RFX3: variants seen among roughly 807,000 people sequenced by gnomAD.
RFX3 encodes the protein transcription factor RFX3.
RFX3 carries 14 observed loss-of-function variants against 98.6 expected under a neutral mutation model. The observed-to-expected ratio is 0.14, with a 90% CI of 0.09 to 0.22. The LOEUF (loss-of-function observed/expected upper bound fraction) is 0.22, where lower values mean the gene tolerates loss of function less well. RFX3 is among the 10% of genes least tolerant of loss of function. The probability of loss-of-function intolerance (pLI) is 1.00; values close to 1 mark genes in which losing one functional copy is unlikely to be tolerated. For synonymous variants in RFX3, 383 were observed against 328.4 expected (o/e 1.17, Z -1.80); for missense variants, 639 against 926.9 (o/e 0.69, Z 4.03).
rs200930779 is a variant in RFX3 at position 3,367,150 on chromosome 9, C to T, written c.118-20386G>A. ...ATCTTACGTTATATGGTACAGCTGA[C>T]GTTAAAATTGAGTAGGCCTGCTCTA... On this transcript the variant is annotated intron_variant, in intron 2 of 16. Coordinates refer to ENST00000617270, the MANE Select transcript of RFX3 (RefSeq NM_001282116.2). Among the ~76,000 whole-genome samples the T allele has an allele frequency of 2.6e-5, 4 of 152,166 alleles. No homozygotes were observed. In the East Asian group the frequency reaches 5.8e-4, roughly 22 times the overall value.
At chr9:3,229,526 G>A (rs890754229) in intron 15 of RFX3, among the ~76,000 whole-genome samples, 7 of 152,026 alleles carry the variant, frequency 4.6e-5, no homozygotes, top group African/African-American at 1.2e-4. Flanking sequence ...AATAGCCTTC[G>A]GCTTAGACAT....
At chr9:3,297,634 GCC>G (rs1203028882) in intron 5 of RFX3, among the ~76,000 whole-genome samples, 4 of 151,842 alleles carry the variant, frequency 2.6e-5, no homozygotes, top group African/African-American at 7.3e-5. Context: ...ATTTTGACAG[GCC>G]TTATTTCTGT....
rs2304930 is a variant in RFX3 at position 3,275,578 on chromosome 9, A to T, written c.1008T>A (p.Val336=). The T allele has an allele frequency of 7.8e-4, 1,263 of 1,612,054 alleles. 12 individuals are homozygous for T. The East Asian group carries it at 0.027, about 34-fold the overall frequency. Residue 336 remains valine (V), a synonymous_variant, in exon 9 of 17, where the codon GTT becomes GTA. Coordinates refer to ENST00000617270, the MANE Select transcript of RFX3 (RefSeq NM_001282116.2). The part of the protein sequence containing the change: ...ASRALPEFGE[V]EISSLPDGTT... Reference sequence around the variant, plus strand: ...TACCATCTGGCAGAGAAGAGATTTCAACTTCTCCAAACTCTGGAAGTGCTC... The same window carrying T: ...TACCATCTGGCAGAGAAGAGATTTCTACTTCTCCAAACTCTGGAAGTGCTC...
chr9:3,249,755 A>G (rs930377983), intron 14 of RFX3, among the ~76,000 whole-genome samples: 1 of 152,100 alleles, frequency 6.6e-6, no homozygotes, highest in Non-Finnish European at 1.5e-5. Context: ...AATTTTTTGT[A>G]AGGTTCAAAG....
intron 2 of RFX3, among the ~76,000 whole-genome samples, chr9:3,358,462 T>C (rs1353884592): frequency 6.6e-6 from 1 of 152,078 alleles, no homozygotes; most frequent in African/African-American, 2.4e-5. Context: ...GAAATCTGGA[T>C]AGATGCTGGC....
At chr9:3,467,182 G>C (rs527276147) in intron 1 of RFX3, among the ~76,000 whole-genome samples, 1 of 134,616 alleles carries the variant, frequency 7.4e-6, no homozygotes, top group African/African-American at 3.0e-5. Flanking sequence ...ATGTATATAT[G>C]TATATACATA....
At position 3,364,502 on chromosome 9, in the gene RFX3, G is replaced by T. The variant is rs556379621; in HGVS notation, c.118-17738C>A. The T allele has an allele frequency of 1.5e-4, 29 of 197,174 alleles. No individual in the cohort carries two copies. In the South Asian group the frequency reaches 2.7e-3, roughly 18 times the overall value. The allele number at this position is 197,174 out of a possible 1,614,324, so 12.2% of individuals were successfully genotyped here. A position where few individuals can be genotyped will look rare whatever the true frequency, so the allele number is the denominator to read the frequency against. ...TGCTTTCCAACTGTATAGATCTCAT[G>T]AATTAAATCCTCCAGGCAGATGATG... On this transcript the variant is annotated intron_variant, in intron 2 of 16. Transcript: ENST00000617270.
chr9:3,507,772 T>C (rs750812325), intron 1 of RFX3, among the ~76,000 whole-genome samples: 35 of 152,030 alleles, frequency 2.3e-4, no homozygotes, highest in Non-Finnish European at 4.1e-4. Context: ...AAAGTTGTTA[T>C]ACTGTATTTA....
At chr9:3,241,287 G>A (rs1025571142) in intron 15 of RFX3, among the ~76,000 whole-genome samples, 6 of 150,416 alleles carry the variant, frequency 4.0e-5, no homozygotes, top group Non-Finnish European at 7.4e-5. Flanking sequence ...CCAAGAAGAC[G>A]TCCTATCAAT....
At chr9:3,501,579 T>C (rs1039304883) in intron 1 of RFX3, among the ~76,000 whole-genome samples, 1 of 144,102 alleles carries the variant, frequency 6.9e-6, no homozygotes, top group Admixed American at 7.0e-5. Context: ...TTTTTTGAGA[T>C]AGAGTCTCAC....
At chr9:3,421,113 C>T (rs1164498141) in intron 1 of RFX3, among the ~76,000 whole-genome samples, 1 of 151,696 alleles carries the variant, frequency 6.6e-6, no homozygotes, top group Non-Finnish European at 1.5e-5. Context: ...TGGCCACATT[C>T]AGTGACTGAG....
intron 2 of RFX3, among the ~76,000 whole-genome samples, chr9:3,374,092 G>GCACACACA (rs35924655): frequency 1.4e-5 from 2 of 147,950 alleles, no homozygotes; most frequent in South Asian, 2.2e-4. Flanking sequence ...ACACACGCGC[G>GCACACACA]CACACACACA....
intron 1 of RFX3, among the ~76,000 whole-genome samples, chr9:3,406,704 T>C (rs1467236904): frequency 6.6e-6 from 1 of 152,176 alleles, no homozygotes; most frequent in Non-Finnish European, 1.5e-5. Context: ...TTCTACACAA[T>C]TTTTTAAAAT....
chr9:3,225,312 C>A, intron 16 of RFX3, 32 bp from the exon 17 acceptor site: 2 of 1,606,016 alleles, frequency 1.2e-6, no homozygotes, highest in Non-Finnish European at 1.7e-6. Flanking sequence ...AGACTATCAT[C>A]GAAGACAAAT....
In RFX3 at chr9:3,257,170, A is replaced by C. The variant is rs1380772198; in HGVS notation, c.1635T>G (p.Asp545Glu). ...QEQASWVCQC[D>E]DNMVQRLETD... ...TTTCTAGTCTCTGAACCATGTTGTC[A>C]TCACACTGGCACACCCAGGAAGCCT... Residue 545 changes from aspartate to glutamate, a missense_variant, in exon 14 of 17, where the codon GAT becomes GAG. This residue lies in a region of RFX3 where 138 missense variants were observed against 308.9 expected (regional missense o/e 0.45). Coordinates refer to ENST00000617270, the MANE Select transcript of RFX3 (RefSeq NM_001282116.2). 6.2e-7 allele frequency: 1 copy of C among 1,613,914 alleles called. No individual in the cohort carries two copies. Among genetic ancestry groups the C allele is most frequent in the Non-Finnish European group, 8.5e-7 (1 of 1,179,998 alleles).
intron 4 of RFX3, among the ~76,000 whole-genome samples, chr9:3,324,921 G>A (rs766364612): frequency 3.3e-5 from 5 of 151,908 alleles, no homozygotes; most frequent in Non-Finnish European, 5.9e-5. Flanking sequence ...CCGAGATCAC[G>A]CCACTGCACT....
At chr9:3,397,936 T>C (rs1308078521) in intron 1 of RFX3, among the ~76,000 whole-genome samples, 1 of 152,150 alleles carries the variant, frequency 6.6e-6, no homozygotes. Context: ...CAGAAGTGGC[T>C]AGGGGTTTAC....
intron 15 of RFX3, among the ~76,000 whole-genome samples, chr9:3,238,643 C>G (rs1819501530): frequency 6.6e-6 from 1 of 152,138 alleles, no homozygotes; most frequent in Non-Finnish European, 1.5e-5. Flanking sequence ...TTTCAGCATT[C>G]CATACTTAAC....
At chr9:3,287,786 T>G (rs1414871709) in intron 7 of RFX3, among the ~76,000 whole-genome samples, 1 of 151,968 alleles carries the variant, frequency 6.6e-6, no homozygotes, top group African/African-American at 2.4e-5. Flanking sequence ...ACTTGAGAGA[T>G]GTGCAGAATA....
Sources: gnomAD v4.1 joint callset for allele counts (sites outside exome capture counted in the v4.1 genomes callset) on GRCh38, gnomAD v4.1.1 for gene constraint, gnomAD v4.1.1 regional missense constraint, MANE v1.5 for transcripts, NCBI Gene and HGNC (gene_info 2026-07-23, HGNC 2026-07-21) for gene names.